USP42: variants seen among roughly 807,000 people sequenced by gnomAD.
The protein encoded by USP42 is ubiquitin specific peptidase 42, also known as ubiquitin carboxyl-terminal hydrolase 42.
Under a neutral mutation model 113.0 loss-of-function variants are expected in USP42, and 23 were observed. That is an observed-to-expected ratio of 0.20 (90% CI 0.15 to 0.29). The LOEUF (loss-of-function observed/expected upper bound fraction) is 0.29. Ranked by LOEUF, USP42 falls within the 10% of genes least tolerant of loss-of-function variation. USP42 has a pLI of 1.00. For synonymous variants in USP42, 933 were observed against 699.0 expected (o/e 1.33, Z -5.28); for missense variants, 2,174 against 1,779.8 (o/e 1.22, Z -3.99).
At chr7:6,133,932 C>G (rs6975973) in intron 3 of USP42, among the ~76,000 whole-genome samples, 80 of 151,012 alleles carry the variant, frequency 5.3e-4, no homozygotes, top group African/African-American at 1.9e-3. Context: ...GCTCTGTCGC[C>G]CAGGCTGGAG....
chr7:6,081,421 T>C, the USP42 span, among the ~76,000 whole-genome samples: 3 of 152,244 alleles, frequency 2.0e-5, no homozygotes, highest in East Asian at 1.9e-4. Flanking sequence ...CCTTCCACTT[T>C]GCGCTCGCGG....
the USP42 span, among the ~76,000 whole-genome samples, chr7:6,095,857 G>A: frequency 6.6e-6 from 1 of 150,934 alleles, no homozygotes; most frequent in African/African-American, 2.5e-5. Context: ...ACACCTCCCA[G>A]GCTCAAGCAA....
chr7:6,112,574 G>A (rs1268805031), intron 2 of USP42, among the ~76,000 whole-genome samples: 1 of 152,126 alleles, frequency 6.6e-6, no homozygotes, highest in Admixed American at 6.6e-5. Flanking sequence ...CTTTAAGTTG[G>A]TACTTCAAGA....
Position 6,149,865 on chromosome 7 carries a change from A to C in USP42, c.1669A>C (p.Thr557Pro). The C allele has an allele frequency of 6.2e-7, 1 of 1,614,030 alleles. No individual in the cohort carries two copies. Among genetic ancestry groups the C allele is most frequent in the Non-Finnish European group, 8.5e-7 (1 of 1,179,898 alleles). The change falls in exon 13 of 18, where the codon ACC becomes CCC. Residue 557 changes from threonine to proline, a missense_variant. Coordinates refer to ENST00000306177, the MANE Select transcript of USP42 (RefSeq NM_032172.3). ...ENPTKPVPSS[T>P]ITNSAVQSTS... ...CCCTACCAAGCCCGTTCCCTCTTCT[A>C]CCATTACCAATTCTGCAGTACAGTC...
intron 14 of USP42, chr7:6,153,068 C>T (rs1025090725): frequency 8.0e-6 from 4 of 498,800 alleles, no homozygotes; most frequent in Non-Finnish European, 1.0e-5. Flanking sequence ...GTCAGGAGTT[C>T]GAGACCAGCT....
At position 6,147,771 on chromosome 7, in the gene USP42, C is replaced by T; in HGVS notation, c.1265C>T (p.Thr422Ile). Residue 422 changes from threonine (T) to isoleucine (I), a missense_variant, in exon 12 of 18, where the codon ACT becomes ATT. Physicochemically the swap from Thr to Ile is moderately conservative, Grantham distance 89 (BLOSUM62 -1). Transcript: ENST00000306177. ...SHDVKNGGELTHPTHSPGQSS... is the reference protein window; with the variant it reads ...SHDVKNGGELIHPTHSPGQSS... The stretch of plus-strand genomic sequence containing the variant: ...GATGTGAAAAATGGAGGTGAACTTA[C>T]TCATCCCACCCATAGCCCCGGCCAG... 6.3e-7 allele frequency: 1 copy of T among 1,595,264 alleles called. No individual in the cohort carries two copies. Among genetic ancestry groups the T allele is most frequent in the Non-Finnish European group, 8.6e-7 (1 of 1,167,140 alleles).
At position 6,135,967 on chromosome 7, in the gene USP42, T is replaced by A. The variant is rs752434566; in HGVS notation, c.553+16T>A. 3 of 1,489,820 alleles carry A rather than the reference T, an allele frequency of 2.0e-6. No homozygotes were observed. In the Admixed American group the frequency reaches 6.6e-5, roughly 33 times the overall value. The allele number at this position is 1,489,820 out of a possible 1,614,324, so 92.3% of individuals were successfully genotyped here. A position where few individuals can be genotyped will look rare whatever the true frequency, so the allele number is the denominator to read the frequency against. On this transcript the variant is annotated intron_variant, in intron 4 of 17. Transcript: ENST00000306177. ...GAGATGCGGCGTAAGTATTAACTAT[T>A]GTAGTTTTATATTTGTATTTATTAC...
In USP42 at chr7:6,159,450, G is replaced by T; in HGVS notation, c.3944G>T (p.Gly1315Val). The T allele has an allele frequency of 6.2e-7, 1 of 1,613,962 alleles. No homozygotes were observed. Among genetic ancestry groups the T allele is most frequent in the Non-Finnish European group, 8.5e-7 (1 of 1,179,874 alleles). The part of the protein sequence containing the change: ...DRCRLFEYGQ[G>V]D ...CTCTTTCCTGACCTTTGCTTTCTAGGTGATTGAAAACTCAGCCTCAAAACA... is the reference window on the plus strand; with the variant it reads ...CTCTTTCCTGACCTTTGCTTTCTAGTTGATTGAAAACTCAGCCTCAAAACA... Residue 1315 changes from glycine (G) to valine (V), a missense_variant and splice_region_variant, in exon 17 of 18, where the codon GGT becomes GTT. Physicochemically the swap from Gly to Val is moderately radical, Grantham distance 109. Coordinates refer to ENST00000306177, the MANE Select transcript of USP42 (RefSeq NM_032172.3). This position sits in a 1 kb window ranked among gnomAD's most constrained non-coding sequence, Gnocchi z 4.1.
Position 6,150,115 on chromosome 7 carries a change from A to T in USP42, c.1919A>T (p.Asp640Val), listed in dbSNP as rs760551529. 1.2e-6 allele frequency: 2 copies of T among 1,612,730 alleles called. No homozygotes were observed. Among genetic ancestry groups the T allele is most frequent in the South Asian group, 1.1e-5 (1 of 90,872 alleles). Residue 640 changes from aspartate to valine, a missense_variant, in exon 13 of 18, where the codon GAT (aspartate) becomes GTT (valine). Asp to Val is a radical substitution (Grantham distance 152). Coordinates refer to ENST00000306177, the MANE Select transcript of USP42 (RefSeq NM_032172.3). ...GTGAGCTCCCACTCTCCCGGCCAAG[A>T]TGCCGAAGATGAGGAGGCCACTCCG... The part of the protein sequence containing the change: ...TIVSSHSPGQ[D>V]AEDEEATPHE...
the USP42 span, among the ~76,000 whole-genome samples, chr7:6,083,061 A>T: frequency 1.4e-5 from 2 of 146,614 alleles, no homozygotes; most frequent in South Asian, 4.2e-4. Context: ...TGTAGATGGA[A>T]TTACAGGTGC....
chr7:6,105,828 C>T (rs1020000910), intron 1 of USP42, among the ~76,000 whole-genome samples: 1 of 152,190 alleles, frequency 6.6e-6, no homozygotes, highest in Non-Finnish European at 1.5e-5. Context: ...GACTTTAACC[C>T]CTCTCACATG....
Position 6,139,930 on chromosome 7 carries a change from C to T in USP42, c.657-198C>T, listed in dbSNP as rs1370187036. The T allele has an allele frequency of 1.5e-5, 9 of 610,690 alleles. No individual in the cohort carries two copies. Among genetic ancestry groups the T allele is most frequent in the Non-Finnish European group, 2.3e-5 (8 of 340,876 alleles). The allele number at this position is 610,690 out of a possible 1,614,324, so 37.8% of individuals were successfully genotyped here. A position where few individuals can be genotyped will look rare whatever the true frequency, so the allele number is the denominator to read the frequency against. On this transcript the variant is annotated intron_variant, in intron 5 of 17. Coordinates refer to ENST00000306177, the MANE Select transcript of USP42 (RefSeq NM_032172.3). The surrounding 1 kb of genome is among the most constrained non-coding windows in gnomAD (Gnocchi z 4.5). ...AGCTCCCACAGCTCTGCGTCTCCTC[C>T]CGCCACTCCCAGACCTCCCTGTGTT... is the stretch of plus-strand genomic sequence containing the variant.
rs1022060938 is a variant in USP42 at position 6,160,421 on chromosome 7, CAGAGAAGGCAG to C, written c.*37-131_*37-121del. The C allele has an allele frequency of 2.6e-3, 213 of 80,624 alleles. 1 individual carries two copies. Among genetic ancestry groups the C allele is most frequent in the African/African-American group, 0.026 (205 of 8,020 alleles). 5.0% of individuals were successfully genotyped at this position (80,624 alleles called of 1,614,324 possible). On this transcript the variant is annotated intron_variant, in intron 17 of 17. Transcript: ENST00000306177. Reference sequence around the variant, plus strand: ...GTTCCCTCATTTCCACTCAGGAAGGCAGAGAAGGCAGAGTGATCTCCTCAAGGAAGAGCTTC... The same window carrying C: ...GTTCCCTCATTTCCACTCAGGAAGGCAGTGATCTCCTCAAGGAAGAGCTTC...
At chr7:6,145,691 C>G (rs773512015) in intron 10 of USP42, 35 bp downstream of exon 10, 4 of 1,597,308 alleles carry the variant, frequency 2.5e-6, no homozygotes, top group Non-Finnish European at 3.4e-6. Flanking sequence ...ACTATTGTTA[C>G]ATACATGCTA....
intron 8 of USP42, among the ~76,000 whole-genome samples, chr7:6,143,688 G>T (rs1230385917): frequency 6.6e-6 from 1 of 151,760 alleles, no homozygotes; most frequent in East Asian, 1.9e-4. Flanking sequence ...TCTGGTTAGG[G>T]CTCTCTTTTC....
At chr7:6,107,651 T>TGCC (rs1193740732) in intron 1 of USP42, among the ~76,000 whole-genome samples, 1 of 152,056 alleles carries the variant, frequency 6.6e-6, no homozygotes, top group Non-Finnish European at 1.5e-5. Flanking sequence ...TCAGGTGATC[T>TGCC]GCCCGCCTCG....
At position 6,159,616 on chromosome 7, in the gene USP42, G is replaced by A. The variant is rs1782658379; in HGVS notation, c.*36+123G>A. 9.9e-7 allele frequency: 1 copy of A among 1,008,274 alleles called. No homozygotes were observed. The highest frequency in any genetic ancestry group is 2.5e-5 in the Admixed American group (1 of 40,420). The allele number at this position is 1,008,274 out of a possible 1,614,324, so 62.5% of individuals were successfully genotyped here. On this transcript the variant is annotated intron_variant, in intron 17 of 17. Coordinates refer to ENST00000306177, the MANE Select transcript of USP42 (RefSeq NM_032172.3). The surrounding 1 kb of genome is among the most constrained non-coding windows in gnomAD (Gnocchi z 4.1). Reference sequence around the variant, plus strand: ...GCTCATAGGAGTTGGCAGAGCCATGGAGAGGCCCCGGCAGGTTCCCAGCCA... The same window carrying A: ...GCTCATAGGAGTTGGCAGAGCCATGAAGAGGCCCCGGCAGGTTCCCAGCCA...
At chr7:6,135,058 G>A (rs930643535) in intron 3 of USP42, among the ~76,000 whole-genome samples, 1 of 152,210 alleles carries the variant, frequency 6.6e-6, no homozygotes, top group African/African-American at 2.4e-5. Flanking sequence ...CCAGAGTGCT[G>A]AGATGATAGG....
chr7:6,106,535 A>G lies in USP42; in HGVS notation c.-10+1503A>G, dbSNP rs564630018. ...GCAAAGGAAACACTTGTGAAGTCTC[A>G]TTCCTCCACACAGATCCAACCTCGA... On this transcript the variant is annotated intron_variant, in intron 1 of 17. Coordinates refer to ENST00000306177, the MANE Select transcript of USP42 (RefSeq NM_032172.3). Among the ~76,000 whole-genome samples, 12 of 152,320 alleles carry G rather than the reference A, an allele frequency of 7.9e-5. No individual in the cohort carries two copies. The South Asian group carries it at 2.1e-3, about 26-fold the overall frequency.
Sources: allele counts gnomAD v4.1 joint callset (sites outside exome capture counted in the v4.1 genomes callset), GRCh38; gene constraint gnomAD v4.1.1; non-coding constraint Gnocchi (gnomAD v3.1); transcripts MANE v1.5; gene names NCBI Gene and HGNC (gene_info 2026-07-23, HGNC 2026-07-21).